DOCK8: variants seen among roughly 807,000 people sequenced by gnomAD.
DOCK8 encodes the protein dedicator of cytokinesis protein 8.
In DOCK8, 141 loss-of-function variants were observed where a neutral mutation model predicts 245.6. That is an observed-to-expected ratio of 0.57 (90% CI 0.50 to 0.66). DOCK8 has a LOEUF of 0.66. Among genes scored for constraint, DOCK8 ranks in the 30% least tolerant of loss-of-function variants. The pLI is 0.00. For missense variants in DOCK8, 2,965 were observed against 2,603.4 expected (o/e 1.14, Z -3.02); for synonymous variants, 1,168 against 970.2 (o/e 1.20, Z -3.79).
rs1012835981 is a variant in DOCK8 at position 377,304 on chromosome 9, A to G, written c.2440+93A>G. ...ATGACTTTCCAGAAATCCAGAGACA[A>G]TGTGATCTTCCTTTCCACTGATGAT... On this transcript the variant is annotated intron_variant, in intron 20 of 47. Transcript: ENST00000432829. 4 of 1,258,000 alleles carry G rather than the reference A, an allele frequency of 3.2e-6. No homozygotes were observed. The African/African-American group carries it at 4.5e-5, about 14-fold the overall frequency. 77.9% of individuals were successfully genotyped at this position (1,258,000 alleles called of 1,614,324 possible).
chr9:315,250 G>T (rs1433915490), intron 6 of DOCK8, among the ~76,000 whole-genome samples: 1 of 151,986 alleles, frequency 6.6e-6, no homozygotes, highest in Non-Finnish European at 1.5e-5. Context: ...CTTTCATTCC[G>T]TTCATTTATA....
At chr9:255,914 C>A (rs627842) in intron 1 of DOCK8, among the ~76,000 whole-genome samples, 23 of 152,128 alleles carry the variant, frequency 1.5e-4, no homozygotes, top group Non-Finnish European at 3.1e-4. Flanking sequence ...ATTTAAAATA[C>A]CTGCTTGATC....
In DOCK8 at chr9:406,914, C is replaced by G. The variant is rs761737322; in HGVS notation, c.3391-16C>G. ...AGTTCTTGTGGCTCATAAAATGGCT[C>G]CTTACGTTTCTGTAGAACTCAAGCT... On this transcript the variant is annotated splice_polypyrimidine_tract_variant and intron_variant, in intron 27 of 47. Transcript: ENST00000432829. 2 of 1,613,984 alleles carry G rather than the reference C, an allele frequency of 1.2e-6. No homozygotes were observed. The highest frequency in any genetic ancestry group is 1.3e-5 in the African/African-American group (1 of 74,954).
At chr9:451,225 C>A (rs967849944) in intron 45 of DOCK8, among the ~76,000 whole-genome samples, 3 of 151,972 alleles carry the variant, frequency 2.0e-5, no homozygotes, top group Non-Finnish European at 2.9e-5. Context: ...GCAGGAGAAT[C>A]CCTTGAACCC....
At position 338,637 on chromosome 9, in the gene DOCK8, G is replaced by A. The variant is rs77742916; in HGVS notation, c.1423-369G>A. Among the ~76,000 whole-genome samples, 1,051 of 152,204 alleles carry A rather than the reference G, an allele frequency of 6.9e-3. 14 individuals are homozygous for A. The highest frequency in any genetic ancestry group is 0.019 in the African/African-American group (768 of 41,498). ...ATGGAAAGATGCTTTCTCCACCTTCGAACATTTGAAGAAGAAAGTAAACTT... is the reference window on the plus strand; with the variant it reads ...ATGGAAAGATGCTTTCTCCACCTTCAAACATTTGAAGAAGAAAGTAAACTT... On this transcript the variant is annotated intron_variant, in intron 12 of 47. Coordinates refer to ENST00000432829, the MANE Select transcript of DOCK8 (RefSeq NM_203447.4).
chr9:400,970 T>TCCACCATCACCACCTCCA (rs2055034735), intron 26 of DOCK8, among the ~76,000 whole-genome samples: 2 of 89,436 alleles, frequency 2.2e-5, no homozygotes, highest in East Asian at 6.9e-4. Flanking sequence ...CACCACCTCC[T>TCCACCATCACCACCTCCA]CCACCATCAC....
chr9:215,460 G>C (rs1587595181), intron 1 of DOCK8: 16 of 1,487,576 alleles, frequency 1.1e-5, no homozygotes, highest in South Asian at 6.8e-5. Context: ...GCTGAAATTA[G>C]AGTTGCGTTT....
At chr9:228,716 C>CTGT (rs2047040599) in intron 1 of DOCK8, among the ~76,000 whole-genome samples, 1 of 152,112 alleles carries the variant, frequency 6.6e-6, no homozygotes, top group Non-Finnish European at 1.5e-5. Context: ...ACTAACAAAC[C>CTGT]ACCCCAAAGT....
At chr9:239,970 A>T (rs2047342405) in intron 1 of DOCK8, among the ~76,000 whole-genome samples, 1 of 152,216 alleles carries the variant, frequency 6.6e-6, no homozygotes, top group Non-Finnish European at 1.5e-5. Flanking sequence ...TTCACATTAG[A>T]AACAGTACAC....
chr9:430,656 T>G (rs1014329878), intron 36 of DOCK8, among the ~76,000 whole-genome samples: 2 of 139,306 alleles, frequency 1.4e-5, no homozygotes, highest in Non-Finnish European at 3.1e-5. Flanking sequence ...TATTCCAGCC[T>G]GAGACCCTGT....
intron 10 of DOCK8, among the ~76,000 whole-genome samples, chr9:332,889 C>T (rs936101680): frequency 6.6e-6 from 1 of 151,994 alleles, no homozygotes; most frequent in African/African-American, 2.4e-5. Context: ...TAATTCTGGC[C>T]TCAAGTGATT....
In DOCK8 at chr9:400,122, CATCTT is replaced by C. The variant is rs1564012299; in HGVS notation, c.3234+864_3234+868del. Among the ~76,000 whole-genome samples, 83 of 96,256 alleles carry C rather than the reference CATCTT, an allele frequency of 8.6e-4. 9 individuals are homozygous for C. Among genetic ancestry groups the C allele is most frequent in the African/African-American group, 4.6e-3 (71 of 15,556 alleles). 63.1% of individuals were successfully genotyped at this position (96,256 alleles called of 152,430 possible). A position where few individuals can be genotyped will look rare whatever the true frequency, so the allele number is the denominator to read the frequency against. On this transcript the variant is annotated intron_variant, in intron 26 of 47. Coordinates refer to ENST00000432829, the MANE Select transcript of DOCK8 (RefSeq NM_203447.4). ...CCACCACCACCTCCACCACCACCAGCATCTTCACCATCACCACCACCTCCACCATC... is the reference window on the plus strand; with the variant it reads ...CCACCACCACCTCCACCACCACCAGCCACCATCACCACCACCTCCACCATC...
intron 4 of DOCK8, among the ~76,000 whole-genome samples, chr9:290,316 T>G (rs2048985633): frequency 6.6e-6 from 1 of 152,070 alleles, no homozygotes; most frequent in Non-Finnish European, 1.5e-5. Context: ...ATTGTTAGTG[T>G]TAGTGTATTT....
intron 1 of DOCK8, among the ~76,000 whole-genome samples, chr9:228,441 A>C (rs2047034089): frequency 6.6e-6 from 1 of 152,146 alleles, no homozygotes; most frequent in Non-Finnish European, 1.5e-5. Context: ...AGAACATGGT[A>C]CTGTTTAAAA....
chr9:410,956 C>T (rs1230009428), intron 28 of DOCK8, among the ~76,000 whole-genome samples: 1 of 152,102 alleles, frequency 6.6e-6, no homozygotes, highest in East Asian at 1.9e-4. Context: ...CAATTGAAAG[C>T]CATCAAATTG....
chr9:283,989 A>G (rs1188903653), intron 2 of DOCK8, among the ~76,000 whole-genome samples: 1 of 152,214 alleles, frequency 6.6e-6, no homozygotes, highest in Non-Finnish European at 1.5e-5. Flanking sequence ...ATTGAATGAG[A>G]CAATCCTAGT....
At chr9:373,249 C>G (rs938796544) in intron 18 of DOCK8, among the ~76,000 whole-genome samples, 1 of 152,202 alleles carries the variant, frequency 6.6e-6, no homozygotes, top group African/African-American at 2.4e-5. Flanking sequence ...TGCTAGCCCA[C>G]TTCTCAGTTC....
chr9:383,525 T>C (rs2053815636), intron 22 of DOCK8, among the ~76,000 whole-genome samples: 1 of 151,646 alleles, frequency 6.6e-6, no homozygotes, highest in African/African-American at 2.4e-5. Flanking sequence ...AGAGCAAAAC[T>C]CTGTCTCAAA....
chr9:307,501 G>T (rs1162773479), intron 5 of DOCK8, among the ~76,000 whole-genome samples: 7 of 151,870 alleles, frequency 4.6e-5, no homozygotes, highest in African/African-American at 1.5e-4. Flanking sequence ...TGGGATTACA[G>T]ACATGCGCCA....
Sources: allele counts gnomAD v4.1 joint callset (sites outside exome capture counted in the v4.1 genomes callset), GRCh38; gene constraint gnomAD v4.1.1; transcripts MANE v1.5; gene names NCBI Gene and HGNC (gene_info 2026-07-23, HGNC 2026-07-21).